The following SLC35F1 variants were observed in gnomAD, a reference collection of about 807,000 sequenced individuals.
SLC35F1 encodes solute carrier family 35 member F1.
In SLC35F1, 14 loss-of-function variants were observed where a neutral mutation model predicts 48.7. The ratio of observed to expected loss-of-function variants is 0.29; its 90% CI spans 0.19 to 0.45. The LOEUF is 0.45. SLC35F1 is among the 20% of genes least tolerant of loss of function. SLC35F1 has a pLI of 1.00. For missense variants in SLC35F1, 404 were observed against 500.0 expected (o/e 0.81, Z 1.83); for synonymous variants, 190 against 202.2 (o/e 0.94, Z 0.51).
chr6:118,196,025 G>A (rs1475930728), intron 2 of SLC35F1, among the ~76,000 whole-genome samples: 1 of 152,210 alleles, frequency 6.6e-6, no homozygotes, highest in Non-Finnish European at 1.5e-5. Context: ...GCAGCCCCCA[G>A]AATCGCAGCA....
At chr6:118,251,632 C>T (rs776789275) in intron 3 of SLC35F1, among the ~76,000 whole-genome samples, 5 of 152,104 alleles carry the variant, frequency 3.3e-5, no homozygotes, top group African/African-American at 4.8e-5. Context: ...AGATCCCTTG[C>T]ATGATCTGAT....
At chr6:117,938,705 T>C (rs1346575788) in intron 1 of SLC35F1, among the ~76,000 whole-genome samples, 1 of 152,244 alleles carries the variant, frequency 6.6e-6, no homozygotes, top group Middle Eastern at 3.2e-3. Flanking sequence ...ACAAGGGTTC[T>C]TGGGTCCAAA....
intron 1 of SLC35F1, among the ~76,000 whole-genome samples, chr6:118,031,685 A>T (rs555649213): frequency 1.3e-5 from 2 of 152,328 alleles, no homozygotes; most frequent in South Asian, 4.1e-4. Context: ...CCTGCAGAGT[A>T]GGGCAACCCC....
intron 1 of SLC35F1, among the ~76,000 whole-genome samples, chr6:118,135,777 C>A (rs891608221): frequency 1.3e-5 from 2 of 152,214 alleles, no homozygotes; most frequent in African/African-American, 4.8e-5. Flanking sequence ...AATTCACATT[C>A]TCTCCAATGT....
intron 1 of SLC35F1, among the ~76,000 whole-genome samples, chr6:118,071,058 T>TACTATGTGTATATA (rs1477288603): frequency 0.018 from 56 of 3,128 alleles, no homozygotes; most frequent in African/African-American, 0.031. Flanking sequence ...AGTATATATA[T>TACTATGTGTATATA]TCTACGTATA....
intron 1 of SLC35F1, among the ~76,000 whole-genome samples, chr6:118,082,276 A>T (rs1056615225): frequency 3.9e-5 from 6 of 152,218 alleles, no homozygotes; most frequent in Non-Finnish European, 8.8e-5. Context: ...ACAGATAAGA[A>T]CAAAGTTTAG....
intron 2 of SLC35F1, among the ~76,000 whole-genome samples, chr6:118,172,155 T>G (rs1774415139): frequency 2.0e-5 from 3 of 150,536 alleles, no homozygotes; most frequent in African/African-American, 4.9e-5. Flanking sequence ...AATCAGAACC[T>G]CCATTCAAAA....
intron 1 of SLC35F1, among the ~76,000 whole-genome samples, chr6:117,958,162 A>G (rs527379451): frequency 1.3e-5 from 2 of 152,338 alleles, no homozygotes; most frequent in East Asian, 1.9e-4. Context: ...TAAAAATAAA[A>G]AATTTTAAAA....
At chr6:118,132,958 G>C (rs552867703) in intron 1 of SLC35F1, among the ~76,000 whole-genome samples, 1 of 152,170 alleles carries the variant, frequency 6.6e-6, no homozygotes, top group Non-Finnish European at 1.5e-5. Flanking sequence ...TCTAGAGGAA[G>C]GCATGGAGAT....
At chr6:117,945,656 A>G (rs1450602630) in intron 1 of SLC35F1, among the ~76,000 whole-genome samples, 1 of 152,212 alleles carries the variant, frequency 6.6e-6, no homozygotes, top group Non-Finnish European at 1.5e-5. Context: ...AAGTAAAGAC[A>G]TGCTTTCAGT....
At chr6:118,050,689 G>A (rs542022694) in intron 1 of SLC35F1, among the ~76,000 whole-genome samples, 1 of 152,164 alleles carries the variant, frequency 6.6e-6, no homozygotes, top group South Asian at 2.1e-4. Flanking sequence ...TAGGTGAGAA[G>A]GGGAATGGGG....
At chr6:118,012,664 G>C (rs1487825844) in intron 1 of SLC35F1, among the ~76,000 whole-genome samples, 1 of 152,174 alleles carries the variant, frequency 6.6e-6, no homozygotes, top group Non-Finnish European at 1.5e-5. Flanking sequence ...AGAATGGTGA[G>C]ATGAAGTGAG....
intron 1 of SLC35F1, among the ~76,000 whole-genome samples, chr6:117,958,855 CTTAG>C (rs757034584): frequency 1.3e-5 from 2 of 152,172 alleles, no homozygotes; most frequent in Non-Finnish European, 2.9e-5. Context: ...GTTGACAATT[CTTAG>C]TTAGCCACAG....
At chr6:118,033,451 C>T (rs1291385732) in intron 1 of SLC35F1, among the ~76,000 whole-genome samples, 1 of 152,082 alleles carries the variant, frequency 6.6e-6, no homozygotes, top group Non-Finnish European at 1.5e-5. Context: ...ACCTCTGAGG[C>T]ATTATCTTTC....
Position 117,907,301 on chromosome 6 carries a change from G to A in SLC35F1, c.-426G>A, listed in dbSNP as rs965871629. Among the ~76,000 whole-genome samples, 2 of 150,804 alleles carry A rather than the reference G, an allele frequency of 1.3e-5. No homozygotes were observed. Among genetic ancestry groups the A allele is most frequent in the African/African-American group, 4.9e-5 (2 of 41,212 alleles). ...TTTCCGACCGAGCGGGGCACAGGCTGAGGCGGCGCCAGCACAACTGCCGCC... is the reference window on the plus strand; with the variant it reads ...TTTCCGACCGAGCGGGGCACAGGCTAAGGCGGCGCCAGCACAACTGCCGCC... On this transcript the variant is annotated 5_prime_UTR_variant, in exon 1 of 8. Transcript: ENST00000360388.
chr6:118,054,458 G>A (rs1337550595), intron 1 of SLC35F1, among the ~76,000 whole-genome samples: 4 of 152,166 alleles, frequency 2.6e-5, no homozygotes, highest in Non-Finnish European at 5.9e-5. Context: ...AAAATATAAA[G>A]GTTATTTTCC....
At chr6:118,222,514 A>C (rs998195525) in intron 2 of SLC35F1, among the ~76,000 whole-genome samples, 2 of 152,152 alleles carry the variant, frequency 1.3e-5, no homozygotes, top group Non-Finnish European at 2.9e-5. Flanking sequence ...GGGGGGTATA[A>C]AAATATTACC....
intron 1 of SLC35F1, among the ~76,000 whole-genome samples, chr6:118,050,449 T>G (rs1327934231): frequency 1.3e-5 from 2 of 149,704 alleles, no homozygotes; most frequent in African/African-American, 2.5e-5. Context: ...AGTAACAGAA[T>G]AGCAGAGAGA....
chr6:118,104,788 G>T (rs540456401), intron 1 of SLC35F1, among the ~76,000 whole-genome samples: 29 of 152,228 alleles, frequency 1.9e-4, no homozygotes, highest in African/African-American at 7.0e-4. Context: ...AGACCTTGAG[G>T]CTAAATCTGC....
Sources: gnomAD v4.1 joint callset for allele counts (sites outside exome capture counted in the v4.1 genomes callset) on GRCh38, gnomAD v4.1.1 for gene constraint, MANE v1.5 for transcripts, NCBI Gene and HGNC (gene_info 2026-07-23, HGNC 2026-07-21) for gene names.